The following FRMPD4 variants were observed in gnomAD, a reference collection of about 807,000 sequenced individuals.
FRMPD4 encodes FERM and PDZ domain containing 4, also known as FERM and PDZ domain-containing protein 4.
FRMPD4 carries 22 observed loss-of-function variants against 94.1 expected under a neutral mutation model. The observed-to-expected ratio is 0.23, with a 90% confidence interval of 0.17 to 0.33. FRMPD4 has a LOEUF of 0.33. Among genes scored for constraint, FRMPD4 ranks in the 10% least tolerant of loss-of-function variants. The pLI, the probability that FRMPD4 is intolerant of heterozygous loss-of-function variation, is 1.00. For missense variants in FRMPD4, 1,111 were observed against 1,339.9 expected (o/e 0.83, Z 2.67); for synonymous variants, 631 against 548.6 (o/e 1.15, Z -2.10).
chrX:12,532,054 TAC>T (rs1435303987), intron 2 of FRMPD4, among the ~76,000 whole-genome samples: 2 of 111,976 alleles, frequency 1.8e-5, no homozygotes, highest in African/African-American at 6.5e-5. Flanking sequence ...TCTAATAACT[TAC>T]AGTGTTTGGA....
intron 2 of FRMPD4, chrX:12,583,555 T>C: frequency 2.3e-6 from 2 of 873,753 alleles, no homozygotes; most frequent in East Asian, 3.4e-5. Flanking sequence ...AAAACCACGC[T>C]CCAGCGCAAG....
At chrX:12,132,706 AG>A (rs1488086062) in intron 3 of FRMPD4, among the ~76,000 whole-genome samples, 4 of 111,204 alleles carry the variant, frequency 3.6e-5, no homozygotes, top group Non-Finnish European at 7.5e-5. Context: ...AAATGTTTCA[AG>A]GAAGAGGGAA....
intron 2 of FRMPD4, among the ~76,000 whole-genome samples, chrX:12,526,619 T>C (rs1488159817): frequency 9.0e-6 from 1 of 111,677 alleles, no homozygotes; most frequent in Non-Finnish European, 1.9e-5. Flanking sequence ...TATAACACAT[T>C]CTCTAAATCT....
intron 2 of FRMPD4, among the ~76,000 whole-genome samples, chrX:12,505,830 T>A (rs1018529013): frequency 4.8e-4 from 53 of 110,790 alleles, no homozygotes; most frequent in African/African-American, 1.7e-3. Context: ...AAACTGCAGT[T>A]CCTGCCAAGC....
chrX:12,660,686 C>G (rs2059704484), intron 4 of FRMPD4, among the ~76,000 whole-genome samples: 1 of 111,966 alleles, frequency 8.9e-6, no homozygotes, highest in Non-Finnish European at 1.9e-5. Context: ...CTATTGCAGC[C>G]TAACAAACGT....
At chrX:11,847,970 C>T (rs954960303) in intron 1 of FRMPD4, among the ~76,000 whole-genome samples, 1 of 103,664 alleles carries the variant, frequency 9.6e-6, no homozygotes, top group South Asian at 4.5e-4. Flanking sequence ...CAGCATGGCA[C>T]ATGTAGACAT....
At chrX:12,646,892 G>A (rs2059552787) in intron 4 of FRMPD4, among the ~76,000 whole-genome samples, 2 of 112,046 alleles carry the variant, frequency 1.8e-5, no homozygotes, top group South Asian at 7.5e-4. Flanking sequence ...GTTCAATCCT[G>A]GTAAAGCTCT....
At chrX:12,507,305 A>G in intron 2 of FRMPD4, among the ~76,000 whole-genome samples, 1 of 112,292 alleles carries the variant, frequency 8.9e-6, no homozygotes. Context: ...CACATAGTAA[A>G]TATTTTAGGC....
intron 1 of FRMPD4, among the ~76,000 whole-genome samples, chrX:12,318,464 C>T (rs1601813856): frequency 8.9e-6 from 1 of 111,921 alleles, no homozygotes; most frequent in South Asian, 3.7e-4. Flanking sequence ...GTCAAGGCTA[C>T]AGTAAGCCAT....
chrX:12,307,490 C>T (rs758668435), intron 1 of FRMPD4, among the ~76,000 whole-genome samples: 38 of 111,602 alleles, frequency 3.4e-4, no homozygotes, highest in African/African-American at 1.1e-3. Context: ...AAAAGAAATC[C>T]GACACAAATA....
chrX:12,366,836 G>T (rs891999274), intron 1 of FRMPD4, among the ~76,000 whole-genome samples: 1 of 111,934 alleles, frequency 8.9e-6, no homozygotes, highest in Non-Finnish European at 1.9e-5. Context: ...GCCGAAAGTT[G>T]AATGGGGCTG....
intron 1 of FRMPD4, among the ~76,000 whole-genome samples, chrX:12,381,626 T>A (rs1311499613): frequency 8.9e-6 from 1 of 112,160 alleles, no homozygotes; most frequent in Non-Finnish European, 1.9e-5. Flanking sequence ...TTATTTAGAT[T>A]CACATGCAGT....
chrX:12,257,427 T>C (rs1052778092), intron 1 of FRMPD4, among the ~76,000 whole-genome samples: 4 of 112,225 alleles, frequency 3.6e-5, no homozygotes, highest in Non-Finnish European at 7.5e-5. Context: ...TCATTTTCCA[T>C]ATATTGATGC....
intron 2 of FRMPD4, among the ~76,000 whole-genome samples, chrX:12,553,719 T>G (rs1490458410): frequency 9.2e-6 from 1 of 109,207 alleles, no homozygotes; most frequent in African/African-American, 3.3e-5. Context: ...CTGATTCTCA[T>G]GAAGCGAAAT....
In FRMPD4 at chrX:12,626,944, T is replaced by C. The variant is rs1370423304; in HGVS notation, c.422+12063T>C. On this transcript the variant is annotated intron_variant, in intron 4 of 16. Transcript: ENST00000675598. ...GAAAGGTCATCTTCCTGCCTAATGTTAGATGGACTTAGGTGCACCATGATG... is the reference window on the plus strand; with the variant it reads ...GAAAGGTCATCTTCCTGCCTAATGTCAGATGGACTTAGGTGCACCATGATG... Among the ~76,000 whole-genome samples the C allele has an allele frequency of 3.6e-5, 4 of 110,807 alleles. No individual in the cohort carries two copies. In the Admixed American group the frequency reaches 3.8e-4, roughly 11 times the overall value.
intron 1 of FRMPD4, among the ~76,000 whole-genome samples, chrX:12,345,343 G>A (rs902315985): frequency 1.8e-5 from 2 of 111,663 alleles, no homozygotes; most frequent in Non-Finnish European, 3.8e-5. Flanking sequence ...GCCTGGTTAT[G>A]GATGTGTGTG....
chrX:12,182,937 A>C (rs1299904157), intron 1 of FRMPD4, among the ~76,000 whole-genome samples: 1 of 111,488 alleles, frequency 9.0e-6, no homozygotes, highest in Non-Finnish European at 1.9e-5. Context: ...CATGCAGCTT[A>C]TGGAGAACCT....
intron 1 of FRMPD4, among the ~76,000 whole-genome samples, chrX:12,205,299 G>A (rs1314115888): frequency 1.8e-5 from 2 of 111,167 alleles, no homozygotes; most frequent in African/African-American, 3.3e-5. Flanking sequence ...GTTATGAAAT[G>A]CTTTCTCTAA....
chrX:11,947,716 G>A (rs1405067297), intron 3 of FRMPD4, among the ~76,000 whole-genome samples: 2 of 111,439 alleles, frequency 1.8e-5, no homozygotes, highest in South Asian at 3.8e-4. Context: ...ATTTGAACAC[G>A]TAAGGCTCTT....
Sources: gnomAD v4.1 joint callset for allele counts (sites outside exome capture counted in the v4.1 genomes callset) on GRCh38, gnomAD v4.1.1 for gene constraint, MANE v1.5 for transcripts, NCBI Gene and HGNC (gene_info 2026-07-23, HGNC 2026-07-21) for gene names.